COP1: variants seen among roughly 807,000 people sequenced by gnomAD.
The protein encoded by COP1 is COP1 E3 ubiquitin ligase, also known as E3 ubiquitin-protein ligase COP1.
In COP1, 24 loss-of-function variants were observed where a neutral mutation model predicts 101.3. The ratio of observed to expected loss-of-function variants is 0.24; its 90% CI spans 0.17 to 0.33. The LOEUF (loss-of-function observed/expected upper bound fraction) is 0.33. Ranked by LOEUF, COP1 falls within the 10% of genes least tolerant of loss-of-function variation. The pLI is 1.00. For missense variants in COP1, 663 were observed against 906.2 expected (o/e 0.73, Z 3.45); for synonymous variants, 347 against 341.9 (o/e 1.01, Z -0.17).
At chr1:176,069,279 G>A (rs1190673850) in intron 11 of COP1, among the ~76,000 whole-genome samples, 1 of 152,094 alleles carries the variant, frequency 6.6e-6, no homozygotes, top group African/African-American at 2.4e-5. Flanking sequence ...AAATATGTTA[G>A]TGCAGCATCC....
rs151167132 is a variant in COP1, at chr1:176,082,086, G to A, written c.1142-799C>T. Among the ~76,000 whole-genome samples, 399 of 152,158 alleles carry A rather than the reference G, an allele frequency of 2.6e-3. 3 individuals carry two copies. Among genetic ancestry groups the A allele is most frequent in the African/African-American group, 9.2e-3 (381 of 41,512 alleles). On this transcript the variant is annotated intron_variant, in intron 10 of 19. Transcript: ENST00000367669. ...GAGAATACAACGAATCTATTCTCCAGTCTATTAATAGAAGCAGACCTACAC... is the reference window on the plus strand; with the variant it reads ...GAGAATACAACGAATCTATTCTCCAATCTATTAATAGAAGCAGACCTACAC...
chr1:175,969,504 G>A (rs80111009), intron 18 of COP1, among the ~76,000 whole-genome samples: 6,725 of 152,148 alleles, frequency 0.044, 183 homozygotes, highest in Non-Finnish European at 0.068. Flanking sequence ...TCAACAAACA[G>A]GTCTTGCTAA....
intron 18 of COP1, among the ~76,000 whole-genome samples, chr1:175,963,113 C>A (rs554509056): frequency 6.6e-6 from 1 of 152,026 alleles, no homozygotes; most frequent in East Asian, 1.9e-4. Context: ...TATTTAATAA[C>A]CTACCTGAGT....
chr1:176,044,294 A>C (rs1184673969), intron 12 of COP1, among the ~76,000 whole-genome samples: 1 of 152,248 alleles, frequency 6.6e-6, no homozygotes, highest in Non-Finnish European at 1.5e-5. Flanking sequence ...ATTATAACTT[A>C]TGACTAAAAT....
intron 19 of COP1, among the ~76,000 whole-genome samples, chr1:175,946,889 T>A (rs1649242906): frequency 6.6e-6 from 1 of 152,162 alleles, no homozygotes; most frequent in African/African-American, 2.4e-5. Flanking sequence ...TGTGGGAGAG[T>A]TGTACTGGCA....
At chr1:176,058,218 T>A (rs1161605453) in intron 11 of COP1, among the ~76,000 whole-genome samples, 1 of 149,998 alleles carries the variant, frequency 6.7e-6, no homozygotes, top group Non-Finnish European at 1.5e-5. Flanking sequence ...CCGCCCCTTC[T>A]GGGAAGTGAG....
At chr1:176,199,007 A>C (rs1428716574) in intron 1 of COP1, among the ~76,000 whole-genome samples, 1 of 152,226 alleles carries the variant, frequency 6.6e-6, no homozygotes, top group Non-Finnish European at 1.5e-5. Context: ...AAGAACTTTT[A>C]ATTGTTGCTG....
At chr1:175,986,613 T>C (rs1657189485) in intron 18 of COP1, among the ~76,000 whole-genome samples, 1 of 152,094 alleles carries the variant, frequency 6.6e-6, no homozygotes, top group Non-Finnish European at 1.5e-5. Flanking sequence ...CTGCACATAA[T>C]CAATAAAGAA....
At chr1:175,988,960 G>A (rs1395948589) in intron 16 of COP1, 1 of 160,828 alleles carries the variant, frequency 6.2e-6, no homozygotes, top group Non-Finnish European at 1.4e-5. Context: ...TATACTGCAA[G>A]TAGATAAAAT....
intron 15 of COP1, among the ~76,000 whole-genome samples, chr1:176,020,890 A>C (rs571910994): frequency 6.6e-6 from 1 of 152,248 alleles, no homozygotes; most frequent in African/African-American, 2.4e-5. Context: ...AGTATTTACA[A>C]TGAGTTATAA....
intron 9 of COP1, among the ~76,000 whole-genome samples, chr1:176,108,033 A>AT (rs66995652): frequency 8.1e-5 from 12 of 148,528 alleles, no homozygotes; most frequent in African/African-American, 2.7e-4. Context: ...CCTGGACCAG[A>AT]TTTTTTTTTT....
At chr1:176,014,712 C>CA (rs1665311402) in intron 15 of COP1, among the ~76,000 whole-genome samples, 1 of 151,650 alleles carries the variant, frequency 6.6e-6, no homozygotes, top group Non-Finnish European at 1.5e-5. Context: ...AAAACTTTTG[C>CA]AAAAAAATTA....
At chr1:176,091,267 G>A (rs1681222947) in intron 9 of COP1, among the ~76,000 whole-genome samples, 1 of 151,844 alleles carries the variant, frequency 6.6e-6, no homozygotes, top group South Asian at 2.1e-4. Context: ...GAACCCAGGA[G>A]GCAGAGGTTG....
intron 3 of COP1, among the ~76,000 whole-genome samples, chr1:176,171,262 G>C (rs951333760): frequency 2.0e-5 from 3 of 151,718 alleles, no homozygotes; most frequent in Admixed American, 2.0e-4. Context: ...AGCACTTGCT[G>C]CTTCACCTTG....
chr1:176,097,608 C>T (rs149993730), intron 9 of COP1, among the ~76,000 whole-genome samples: 338 of 152,096 alleles, frequency 2.2e-3, no homozygotes, highest in Middle Eastern at 6.8e-3. Context: ...GCAGCTCAAG[C>T]CTGTAATCCT....
intron 11 of COP1, among the ~76,000 whole-genome samples, chr1:176,050,919 T>C (rs1672435410): frequency 6.6e-6 from 1 of 152,186 alleles, no homozygotes. Context: ...CAATTTCAAT[T>C]AGAACAAATG....
At chr1:176,081,646 T>C (rs1679184535) in intron 10 of COP1, among the ~76,000 whole-genome samples, 1 of 152,060 alleles carries the variant, frequency 6.6e-6, no homozygotes, top group Non-Finnish European at 1.5e-5. Context: ...TGGATGAGTA[T>C]TTGTTAGTTT....
At chr1:175,975,977 C>G (rs1049469743) in intron 18 of COP1, among the ~76,000 whole-genome samples, 1 of 152,098 alleles carries the variant, frequency 6.6e-6, no homozygotes, top group African/African-American at 2.4e-5. Context: ...GTTTTGCTAT[C>G]AATGACATTT....
chr1:176,120,586 T>TA lies in COP1; in HGVS notation c.969-3906dup, dbSNP rs558068508. On this transcript the variant is annotated intron_variant, in intron 8 of 19. Transcript: ENST00000367669. ...TGCTGGTAACAGTGAGAAGCTTTGCTAAAAAAAGTAACAACAATGCAGCTG... is the reference window on the plus strand; with the variant it reads ...TGCTGGTAACAGTGAGAAGCTTTGCTAAAAAAAAGTAACAACAATGCAGCTG... Among the ~76,000 whole-genome samples, 7 of 152,160 alleles carry TA rather than the reference T, an allele frequency of 4.6e-5. No homozygotes were observed. The East Asian group carries it at 1.2e-3, about 25-fold the overall frequency.
Sources: gnomAD v4.1 joint callset for allele counts (sites outside exome capture counted in the v4.1 genomes callset) on GRCh38, gnomAD v4.1.1 for gene constraint, MANE v1.5 for transcripts, NCBI Gene and HGNC (gene_info 2026-07-23, HGNC 2026-07-21) for gene names.